Variants in PGAP1 observed in about 807,000 individuals in gnomAD.
PGAP1 encodes post-GPI attachment to proteins inositol deacylase 1, also known as GPI inositol-deacylase.
Under a neutral mutation model 127.0 loss-of-function variants are expected in PGAP1, and 76 were observed. The observed-to-expected ratio is 0.60, with a 90% CI of 0.50 to 0.72. The LOEUF is 0.72. PGAP1 is among the 30% of genes least tolerant of loss of function. PGAP1 has a pLI of 0.00. For missense variants in PGAP1, 982 were observed against 1,071.3 expected (o/e 0.92, Z 1.16); for synonymous variants, 362 against 366.5 (o/e 0.99, Z 0.14).
rs1057523793 is a variant in PGAP1, at chr2:196,845,876, A to C, written c.2286+6T>G. On this transcript the variant is annotated splice_donor_region_variant and intron_variant, in intron 23 of 26. Coordinates refer to ENST00000354764, the MANE Select transcript of PGAP1 (RefSeq NM_024989.4). ...CAATCATTTTGGCTTTACTGATTTG[A>C]CATACCTTAAACACATAGTAAAGAT... 1 of 1,594,802 alleles carries C rather than the reference A, an allele frequency of 6.3e-7. No homozygotes were observed. Among genetic ancestry groups the C allele is most frequent in the Non-Finnish European group, 8.6e-7 (1 of 1,169,384 alleles).
chr2:196,864,417 G>C (rs1169896102), intron 20 of PGAP1, among the ~76,000 whole-genome samples: 3 of 142,552 alleles, frequency 2.1e-5, no homozygotes, highest in African/African-American at 7.9e-5. Flanking sequence ...AAAAAAAAAG[G>C]CATTTGATAA....
intron 12 of PGAP1, among the ~76,000 whole-genome samples, chr2:196,884,963 A>C (rs1701850355): frequency 6.6e-6 from 1 of 152,190 alleles, no homozygotes; most frequent in African/African-American, 2.4e-5. Context: ...GCTGTGACTT[A>C]TCACCCTGGA....
chr2:196,922,560 T>G, intron 1 of PGAP1: 1 of 924,894 alleles, frequency 1.1e-6, no homozygotes, highest in Non-Finnish European at 1.2e-6. Flanking sequence ...TTCATACTGC[T>G]AACACACACA....
intron 10 of PGAP1, among the ~76,000 whole-genome samples, chr2:196,888,637 G>C (rs534891486): frequency 2.8e-4 from 42 of 151,850 alleles, no homozygotes; most frequent in Non-Finnish European, 4.1e-4. Flanking sequence ...GGGAAAGGGG[G>C]TGGGGCTATT....
At chr2:196,923,704 C>T (rs1260144984) in intron 1 of PGAP1, among the ~76,000 whole-genome samples, 1 of 151,328 alleles carries the variant, frequency 6.6e-6, no homozygotes, top group African/African-American at 2.4e-5. Flanking sequence ...ACTGTCGCCC[C>T]GCCTGGAGTG....
intron 3 of PGAP1, among the ~76,000 whole-genome samples, chr2:196,913,434 CA>C (rs1182589908): frequency 6.6e-6 from 1 of 152,046 alleles, no homozygotes; most frequent in Non-Finnish European, 1.5e-5. Flanking sequence ...AAATATCACC[CA>C]AAAAAGGCCA....
At chr2:196,893,378 T>C in intron 7 of PGAP1, 133 bp from the exon 8 acceptor site, 2 of 404,626 alleles carry the variant, frequency 4.9e-6, no homozygotes, top group East Asian at 3.9e-5. Context: ...GCACTGTACA[T>C]AAACTCACTC....
At chr2:196,921,406 CTTCAA>C (rs1418625172) in intron 1 of PGAP1, among the ~76,000 whole-genome samples, 1 of 152,090 alleles carries the variant, frequency 6.6e-6, no homozygotes, top group Non-Finnish European at 1.5e-5. Flanking sequence ...GGTATATGTA[CTTCAA>C]TTCAAATTAG....
rs1003558671 is a variant in PGAP1, at chr2:196,834,266, G to A, written c.*6968C>T. 3 of 152,106 alleles carry A rather than the reference G, an allele frequency of 2.0e-5. No homozygotes were observed. Among genetic ancestry groups the A allele is most frequent in the African/African-American group, 7.2e-5 (3 of 41,420 alleles). The allele number at this position is 152,106 out of a possible 1,614,324, so 9.4% of individuals were successfully genotyped here. ...GCGTAAGTCTACTTTAATTCAAAAT[G>A]AGAACTCTGAAAATTAAGGGAGGCC... is the stretch of plus-strand genomic sequence containing the variant. On this transcript the variant is annotated 3_prime_UTR_variant, in exon 27 of 27. Coordinates refer to ENST00000354764, the MANE Select transcript of PGAP1 (RefSeq NM_024989.4).
rs1264352453 is a variant in PGAP1 at position 196,837,897 on chromosome 2, C to G, written c.*3337G>C. On this transcript the variant is annotated 3_prime_UTR_variant, in exon 27 of 27. Coordinates refer to ENST00000354764, the MANE Select transcript of PGAP1 (RefSeq NM_024989.4). Reference sequence around the variant, plus strand: ...AAATAAAGATTAATCAATACATGATCAATATATATTGAAGAGACTCAAACT... The same window carrying G: ...AAATAAAGATTAATCAATACATGATGAATATATATTGAAGAGACTCAAACT... The G allele has an allele frequency of 6.6e-6, 1 of 151,990 alleles. No homozygotes were observed. The highest frequency in any genetic ancestry group is 6.6e-5 in the Admixed American group (1 of 15,252). 9.4% of individuals were successfully genotyped at this position (151,990 alleles called of 1,614,324 possible).
intron 1 of PGAP1, chr2:196,922,534 C>T: frequency 1.0e-6 from 1 of 980,786 alleles, no homozygotes; most frequent in Non-Finnish European, 1.2e-6. Flanking sequence ...CTTCGTCTCC[C>T]TTCTATAATC....
intron 20 of PGAP1, among the ~76,000 whole-genome samples, chr2:196,855,661 TA>T (rs1239171713): frequency 1.3e-5 from 2 of 152,216 alleles, no homozygotes; most frequent in Admixed American, 6.5e-5. Context: ...GGCAATTTGG[TA>T]AAGTATACTT....
intron 7 of PGAP1, among the ~76,000 whole-genome samples, 171 bp downstream of exon 7, chr2:196,896,960 G>A (rs1038715325): frequency 2.6e-5 from 4 of 151,288 alleles, no homozygotes; most frequent in Non-Finnish European, 2.9e-5. Context: ...AGCAGTCAAA[G>A]TATTATGAGA....
At chr2:196,924,976 A>T (rs140213571) in intron 1 of PGAP1, among the ~76,000 whole-genome samples, 1 of 152,318 alleles carries the variant, frequency 6.6e-6, no homozygotes, top group African/African-American at 2.4e-5. Flanking sequence ...ACCTACTTCA[A>T]TCTATTGGGA....
At chr2:196,916,696 T>C in intron 2 of PGAP1, 103 bp from the exon 3 acceptor site, 11 of 1,124,934 alleles carry the variant, frequency 9.8e-6, no homozygotes, top group Non-Finnish European at 1.2e-5. Flanking sequence ...GCATCACGAA[T>C]ATAAACCACC....
chr2:196,842,995 T>C (rs1448867134), intron 25 of PGAP1, among the ~76,000 whole-genome samples, 170 bp from the exon 26 acceptor site: 1 of 152,174 alleles, frequency 6.6e-6, no homozygotes, highest in East Asian at 1.9e-4. Context: ...CTACATCATC[T>C]TTGTATTCAA....
intron 19 of PGAP1, among the ~76,000 whole-genome samples, chr2:196,866,379 C>G (rs897287426): frequency 1.9e-4 from 29 of 152,104 alleles, no homozygotes; most frequent in African/African-American, 7.0e-4. Flanking sequence ...AGAAAGGATT[C>G]CCTATTTAAT....
At chr2:196,850,286 T>C (rs1700680937) in intron 20 of PGAP1, among the ~76,000 whole-genome samples, 2 of 152,218 alleles carry the variant, frequency 1.3e-5, no homozygotes, top group Admixed American at 1.3e-4. Flanking sequence ...TAGTCCATTA[T>C]AATCTCAATT....
chr2:196,848,065 ATT>A, intron 20 of PGAP1, 28 bp from the exon 21 acceptor site: 1 of 1,479,788 alleles, frequency 6.8e-7, no homozygotes, highest in Non-Finnish European at 9.3e-7. Context: ...GTTACATGCA[ATT>A]TACAGTAATT....
Sources: allele counts gnomAD v4.1 joint callset (sites outside exome capture counted in the v4.1 genomes callset), GRCh38; gene constraint gnomAD v4.1.1; transcripts MANE v1.5; gene names NCBI Gene and HGNC (gene_info 2026-07-23, HGNC 2026-07-21).